Variants in BMPER observed in about 807,000 individuals in gnomAD.
BMPER encodes BMP binding endothelial regulator, also known as BMP-binding endothelial regulator protein.
Under a neutral mutation model 87.3 loss-of-function variants are expected in BMPER, and 45 were observed. The observed-to-expected ratio is 0.52, with a 90% CI of 0.41 to 0.66. BMPER has a LOEUF of 0.66. BMPER is among the 30% of genes least tolerant of loss of function. The pLI is 0.00. For missense variants in BMPER, 784 were observed against 867.5 expected (o/e 0.90, Z 1.21); for synonymous variants, 326 against 316.2 (o/e 1.03, Z -0.33).
chr7:33,906,690 T>C lies in BMPER; in HGVS notation c.134-128T>C, dbSNP rs1783826099. The C allele has an allele frequency of 1.4e-5, 12 of 828,896 alleles. No homozygotes were observed. In the South Asian group the frequency reaches 1.8e-4, roughly 12 times the overall value. 51.3% of individuals were successfully genotyped at this position (828,896 alleles called of 1,614,324 possible). A position where few individuals can be genotyped will look rare whatever the true frequency, so the allele number is the denominator to read the frequency against. ...GTTTTGCTTTGGTGAATTTAATAAT[T>C]TAAACCACATTAAGAATTCTGAAGT... On this transcript the variant is annotated intron_variant, in intron 1 of 14. Coordinates refer to ENST00000649409, the MANE Select transcript of BMPER (RefSeq NM_001365308.1).
chr7:33,955,352 G>A (rs565250428), intron 3 of BMPER, among the ~76,000 whole-genome samples: 41 of 152,158 alleles, frequency 2.7e-4, no homozygotes, highest in Non-Finnish European at 3.5e-4. Flanking sequence ...TCTGTACAAC[G>A]TTGCGCTGTT....
At chr7:33,984,068 C>T (rs912483090) in intron 6 of BMPER, among the ~76,000 whole-genome samples, 5 of 152,154 alleles carry the variant, frequency 3.3e-5, no homozygotes, top group African/African-American at 9.7e-5. Context: ...GAGACATAAT[C>T]TATAATGCAT....
At chr7:34,100,640 C>T (rs1789656817) in intron 13 of BMPER, among the ~76,000 whole-genome samples, 1 of 152,212 alleles carries the variant, frequency 6.6e-6, no homozygotes, top group South Asian at 2.1e-4. Context: ...CCCCTGAAGA[C>T]AGATCCCTCT....
chr7:33,959,864 A>G (rs2128615877), intron 3 of BMPER, among the ~76,000 whole-genome samples: 1 of 152,286 alleles, frequency 6.6e-6, no homozygotes, highest in Non-Finnish European at 1.5e-5. Flanking sequence ...CAACAAACAC[A>G]AACATTAGAA....
intron 13 of BMPER, among the ~76,000 whole-genome samples, chr7:34,128,132 T>A (rs915959056): frequency 3.3e-5 from 5 of 152,218 alleles, no homozygotes; most frequent in African/African-American, 1.2e-4. Context: ...CCAAATGGAA[T>A]GTATGCCGAT....
rs367891940 is a variant in BMPER at position 34,111,701 on chromosome 7, T to C, written c.1745+25609T>C. ...GAATTGCTATCAATTCTGAAATGAA[T>C]CTAAAAGAAAACATCTTTTTTTTTA... On this transcript the variant is annotated intron_variant, in intron 13 of 14. Transcript: ENST00000649409. 1.5e-4 allele frequency among the ~76,000 whole-genome samples: 23 copies of C among 152,188 alleles called. 2 individuals carry two copies. The highest frequency in any genetic ancestry group is 8.5e-4 in the Admixed American group (13 of 15,286).
chr7:33,948,721 C>T (rs1040635355), intron 3 of BMPER, among the ~76,000 whole-genome samples: 2 of 152,184 alleles, frequency 1.3e-5, no homozygotes, highest in African/African-American at 4.8e-5. Context: ...CCGCCATGAT[C>T]GTAAGTTTCC....
chr7:34,059,744 GAA>G (rs76980222), intron 10 of BMPER, among the ~76,000 whole-genome samples: 25 of 127,022 alleles, frequency 2.0e-4, no homozygotes, highest in African/African-American at 5.8e-4. Flanking sequence ...GGAAATTTTG[GAA>G]AAAAAAAAAA....
chr7:34,052,324 A>G (rs1465492747), intron 8 of BMPER, among the ~76,000 whole-genome samples: 1 of 152,234 alleles, frequency 6.6e-6, no homozygotes, highest in East Asian at 1.9e-4. Context: ...ATTGCTTTTA[A>G]TCACATTCAA....
chr7:33,983,412 G>GA (rs1291893176), intron 6 of BMPER, among the ~76,000 whole-genome samples: 20 of 152,254 alleles, frequency 1.3e-4, no homozygotes, highest in African/African-American at 4.3e-4. Flanking sequence ...GCATTTATAT[G>GA]AAAATGCATA....
intron 3 of BMPER, 125 bp downstream of exon 3, chr7:33,937,513 GGTGTGTGTGTGT>G (rs376953621): frequency 2.7e-6 from 2 of 734,388 alleles, no homozygotes; most frequent in East Asian, 2.8e-5. Flanking sequence ...GGAGAAGTAG[GGTGTGTGTGTGT>G]GTGTGTGTGT....
intron 13 of BMPER, among the ~76,000 whole-genome samples, chr7:34,134,327 A>G (rs1390421486): frequency 6.6e-6 from 1 of 152,142 alleles, no homozygotes; most frequent in African/African-American, 2.4e-5. Flanking sequence ...TTTAGAAGCA[A>G]ATGCTGGAGT....
chr7:33,969,610 A>G (rs1256945126), intron 4 of BMPER, among the ~76,000 whole-genome samples: 2 of 152,296 alleles, frequency 1.3e-5, no homozygotes, highest in East Asian at 3.9e-4. Context: ...TGTGTTAGCC[A>G]GGATGGTCTC....
At chr7:34,147,792 C>T (rs868259847) in intron 14 of BMPER, among the ~76,000 whole-genome samples, 5 of 152,108 alleles carry the variant, frequency 3.3e-5, no homozygotes, top group African/African-American at 7.2e-5. Flanking sequence ...AACTATTTAA[C>T]AAAATAGATC....
chr7:33,987,408 T>C (rs1191222897), intron 6 of BMPER, among the ~76,000 whole-genome samples: 1 of 152,242 alleles, frequency 6.6e-6, no homozygotes, highest in Non-Finnish European at 1.5e-5. Context: ...GAAGAGTACT[T>C]CCTCTGCACC....
In BMPER at chr7:33,970,973, T is replaced by C. The variant is rs534155448; in HGVS notation, c.493+554T>C. Among the ~76,000 whole-genome samples, 7 of 152,332 alleles carry C rather than the reference T, an allele frequency of 4.6e-5. No individual in the cohort carries two copies. The East Asian group carries it at 1.2e-3, about 25-fold the overall frequency. On this transcript the variant is annotated intron_variant, in intron 5 of 14. Transcript: ENST00000649409. ...GCTGGAACGTTTCCTTTTACTTTTC[T>C]GAACAGGATTACAAAGGCCTCCTGC...
intron 2 of BMPER, among the ~76,000 whole-genome samples, chr7:33,915,237 T>C (rs1257631606): frequency 1.3e-5 from 2 of 152,212 alleles, no homozygotes; most frequent in South Asian, 2.1e-4. Flanking sequence ...AATGTTTCTA[T>C]AGTTAAATGT....
At chr7:33,909,680 C>CAAAAAA (rs60327948) in intron 2 of BMPER, among the ~76,000 whole-genome samples, 6 of 53,484 alleles carry the variant, frequency 1.1e-4, no homozygotes, top group African/African-American at 3.4e-4. Flanking sequence ...ATAACATGTA[C>CAAAAAA]AAAAAAAAAA....
chr7:34,031,943 C>CACACACACACAT (rs1419961368), intron 6 of BMPER, among the ~76,000 whole-genome samples: 2 of 117,356 alleles, frequency 1.7e-5, no homozygotes, highest in East Asian at 5.0e-4. Flanking sequence ...CACACACACA[C>CACACACACACAT]ATATATATAC....
Sources: allele counts gnomAD v4.1 joint callset (sites outside exome capture counted in the v4.1 genomes callset), GRCh38; gene constraint gnomAD v4.1.1; transcripts MANE v1.5; gene names NCBI Gene and HGNC (gene_info 2026-07-23, HGNC 2026-07-21).